Variants in TNR observed in about 807,000 individuals in gnomAD.
TNR encodes tenascin R.
In TNR, 45 loss-of-function variants were observed where a neutral mutation model predicts 150.4. That is an observed-to-expected ratio of 0.30 (90% CI 0.24 to 0.38). The LOEUF is 0.38. TNR is among the 10% of genes least tolerant of loss of function. The pLI, the probability that TNR is intolerant of heterozygous loss-of-function variation, is 1.00. For missense variants in TNR, 1,544 were observed against 1,759.1 expected, an observed-to-expected ratio of 0.88 and a Z score of 2.19; for synonymous variants, 687 against 678.4, an observed-to-expected ratio of 1.01 and a Z score of -0.20.
chr1:175,349,611 A>G (rs1160482142), intron 18 of TNR, among the ~76,000 whole-genome samples: 1 of 152,240 alleles, frequency 6.6e-6, no homozygotes, highest in East Asian at 1.9e-4. Flanking sequence ...AATGTATCAA[A>G]TGCCTGCCTA....
chr1:175,362,101 C>T (rs1474332560), intron 14 of TNR, among the ~76,000 whole-genome samples: 6 of 152,326 alleles, frequency 3.9e-5, no homozygotes, highest in East Asian at 3.9e-4. Context: ...ATGAGCTACA[C>T]GGTGCCCCTG....
chr1:175,345,119 A>AC (rs1397104751), intron 18 of TNR, among the ~76,000 whole-genome samples: 25 of 152,102 alleles, frequency 1.6e-4, no homozygotes, highest in African/African-American at 6.0e-4. Flanking sequence ...AAAACAAACA[A>AC]AACAAAACAA....
intron 1 of TNR, among the ~76,000 whole-genome samples, chr1:175,718,731 G>A (rs1369262436): frequency 6.6e-6 from 1 of 152,232 alleles, no homozygotes; most frequent in Non-Finnish European, 1.5e-5. Context: ...TGGGAGATCT[G>A]TCACATGGCC....
chr1:175,336,472 G>A (rs922467742), intron 19 of TNR, among the ~76,000 whole-genome samples: 1 of 152,232 alleles, frequency 6.6e-6, no homozygotes. Flanking sequence ...TTAGCAGAGC[G>A]AGAGAGGGCA....
At chr1:175,698,969 G>C (rs1010454460) in intron 1 of TNR, among the ~76,000 whole-genome samples, 1 of 152,200 alleles carries the variant, frequency 6.6e-6, no homozygotes, top group Non-Finnish European at 1.5e-5. Flanking sequence ...GATCACTCTG[G>C]CTGCTGTGTT....
At chr1:175,527,090 C>T (rs1470967870) in intron 2 of TNR, among the ~76,000 whole-genome samples, 1 of 152,230 alleles carries the variant, frequency 6.6e-6, no homozygotes, top group Non-Finnish European at 1.5e-5. Flanking sequence ...TAATACACTG[C>T]CAGTGTTGCT....
chr1:175,668,876 C>G (rs921679004), intron 1 of TNR, among the ~76,000 whole-genome samples: 3 of 152,224 alleles, frequency 2.0e-5, no homozygotes, highest in Non-Finnish European at 4.4e-5. Flanking sequence ...ACACCAAAGC[C>G]TGCAGGTTCC....
intron 20 of TNR, among the ~76,000 whole-genome samples, chr1:175,331,047 T>TTCCTTC (rs1553203291): frequency 2.2e-5 from 2 of 91,004 alleles, no homozygotes; most frequent in Admixed American, 1.3e-4. Flanking sequence ...CTTTCTTTCT[T>TTCCTTC]TCTTTCTTTC....
At chr1:175,663,743 C>T (rs538894052) in intron 1 of TNR, among the ~76,000 whole-genome samples, 2 of 152,336 alleles carry the variant, frequency 1.3e-5, no homozygotes, top group East Asian at 3.9e-4. Context: ...TAGAAGAGAA[C>T]AGCCAGGACG....
chr1:175,422,328 G>A (rs541953192), intron 2 of TNR, among the ~76,000 whole-genome samples: 14 of 152,238 alleles, frequency 9.2e-5, no homozygotes, highest in African/African-American at 2.6e-4. Flanking sequence ...ATCTTTTATC[G>A]CAGCATTCAG....
At chr1:175,417,075 G>GAAAGAAATAAAT (rs754333098) in intron 2 of TNR, among the ~76,000 whole-genome samples, 3,447 of 137,426 alleles carry the variant, frequency 0.025, 104 homozygotes, top group East Asian at 0.051. Context: ...AAGAAAGAAA[G>GAAAGAAATAAAT]AAATCTAAGA....
Position 175,379,547 on chromosome 1 carries a change from C to T in TNR, c.1963+5G>A. The T allele has an allele frequency of 6.2e-7, 1 of 1,612,000 alleles. No homozygotes were observed. The highest frequency in any genetic ancestry group is 8.5e-7 in the Non-Finnish European group (1 of 1,179,416). ...GCATAACCCCAAGAGATAGGTCTTA[C>T]TCACCTGTCAGGGTGGCCCTGGTGG... On this transcript the variant is annotated splice_donor_5th_base_variant and intron_variant, in intron 9 of 22. Transcript: ENST00000367674.
intron 1 of TNR, among the ~76,000 whole-genome samples, chr1:175,718,164 G>A (rs780406308): frequency 2.5e-4 from 38 of 152,084 alleles, no homozygotes; most frequent in Non-Finnish European, 7.4e-5. Context: ...GCTGAATTTC[G>A]AGGAGACTGA....
rs75989023 is a variant in TNR at position 175,606,703 on chromosome 1, T to C, written c.-164-78334A>G. On this transcript the variant is annotated intron_variant, in intron 1 of 22. Transcript: ENST00000367674. ...CCCCCCACCCGACCCCCACAGCTTC[T>C]GTGAGCCTTTGCCTCTCTGTGCCCA... 7.1e-3 allele frequency among the ~76,000 whole-genome samples: 1,076 copies of C among 152,234 alleles called. 14 individuals are homozygous for C. Among genetic ancestry groups the C allele is most frequent in the African/African-American group, 0.025 (1,025 of 41,526 alleles).
At chr1:175,342,483 A>T (rs542621621) in intron 18 of TNR, among the ~76,000 whole-genome samples, 1 of 152,286 alleles carries the variant, frequency 6.6e-6, no homozygotes, top group East Asian at 1.9e-4. Context: ...GTAAGCAGGG[A>T]TGGGATCATG....
At chr1:175,660,073 C>T (rs1451007653) in intron 1 of TNR, among the ~76,000 whole-genome samples, 2 of 152,034 alleles carry the variant, frequency 1.3e-5, no homozygotes, top group Admixed American at 1.3e-4. Context: ...ATTCAAGACC[C>T]TCTATGGGAG....
intron 1 of TNR, among the ~76,000 whole-genome samples, chr1:175,694,868 C>T (rs746672669): frequency 1.3e-5 from 2 of 152,220 alleles, no homozygotes; most frequent in Non-Finnish European, 2.9e-5. Context: ...TGATCTCAGA[C>T]TTCTAGCCTC....
intron 1 of TNR, among the ~76,000 whole-genome samples, chr1:175,606,052 C>T (rs1663395377): frequency 6.6e-6 from 1 of 152,228 alleles, no homozygotes; most frequent in African/African-American, 2.4e-5. Context: ...TCCACTCTTT[C>T]ATTCTTAAAC....
chr1:175,456,978 C>A (rs750701328), intron 2 of TNR, among the ~76,000 whole-genome samples: 1 of 152,142 alleles, frequency 6.6e-6, no homozygotes, highest in African/African-American at 2.4e-5. Flanking sequence ...TTCAATCCTG[C>A]CTCTAGCTGC....
Sources: gnomAD v4.1 joint callset for allele counts (sites outside exome capture counted in the v4.1 genomes callset) on GRCh38, gnomAD v4.1.1 for gene constraint, MANE v1.5 for transcripts, NCBI Gene and HGNC (gene_info 2026-07-23, HGNC 2026-07-21) for gene names.